Variants in HADH observed in about 807,000 individuals in gnomAD.
HADH encodes the protein hydroxyacyl-CoA dehydrogenase.
Under a neutral mutation model 32.2 loss-of-function variants are expected in HADH, and 24 were observed. The ratio of observed to expected loss-of-function variants is 0.75; its 90% CI spans 0.54 to 1.05. The LOEUF is 1.05. Ranked by LOEUF, HADH falls within the 50% of genes least tolerant of loss-of-function variation. The pLI, the probability that HADH is intolerant of heterozygous loss-of-function variation, is 0.00. For missense variants in HADH, 350 were observed against 397.1 expected, an observed-to-expected ratio of 0.88 and a Z score of 1.01; for synonymous variants, 139 against 152.5, an observed-to-expected ratio of 0.91 and a Z score of 0.65.
At chr4:107,993,583 T>C (rs1734874557) in intron 1 of HADH, among the ~76,000 whole-genome samples, 1 of 152,214 alleles carries the variant, frequency 6.6e-6, no homozygotes, top group Admixed American at 6.5e-5. Flanking sequence ...AAATAGATTT[T>C]GTGGGAGCCT....
chr4:107,997,031 A>G (rs1734977746), intron 1 of HADH, among the ~76,000 whole-genome samples: 1 of 152,226 alleles, frequency 6.6e-6, no homozygotes, highest in South Asian at 2.1e-4. Flanking sequence ...TTACACAACC[A>G]GAGACAATCA....
intron 1 of HADH, among the ~76,000 whole-genome samples, chr4:107,992,068 G>C (rs1734831147): frequency 6.6e-6 from 1 of 152,192 alleles, no homozygotes; most frequent in Non-Finnish European, 1.5e-5. Context: ...AAAATTACAG[G>C]TATGGTGTTG....
intron 6 of HADH, chr4:108,032,083 G>T (rs62311450): frequency 7.8e-6 from 3 of 386,176 alleles, no homozygotes; most frequent in South Asian, 1.2e-4. Context: ...CTTCTTTATC[G>T]ATGTTTAAGT....
At chr4:108,012,531 A>G (rs1484116116) in intron 2 of HADH, among the ~76,000 whole-genome samples, 2 of 152,180 alleles carry the variant, frequency 1.3e-5, no homozygotes, top group Non-Finnish European at 2.9e-5. Flanking sequence ...ACGGGACTTC[A>G]CATTCAAATG....
At chr4:108,014,687 C>T in intron 3 of HADH, 99 bp downstream of exon 3, 1 of 1,078,594 alleles carries the variant, frequency 9.3e-7, no homozygotes. Context: ...AGTACAAGTG[C>T]AGTTTTGTTC....
At chr4:108,022,970 G>A (rs368641489) in intron 4 of HADH, among the ~76,000 whole-genome samples, 4 of 149,672 alleles carry the variant, frequency 2.7e-5, no homozygotes, top group African/African-American at 9.8e-5. Context: ...CCGTGATTTT[G>A]TACATTCTAC....
intron 1 of HADH, chr4:108,005,039 T>C: frequency 1.6e-6 from 1 of 624,348 alleles, no homozygotes; most frequent in African/African-American, 1.8e-5. Context: ...CATATATACC[T>C]TCTTTTTTTC....
At chr4:108,008,545 T>A (rs1031216528) in intron 1 of HADH, among the ~76,000 whole-genome samples, 2 of 152,238 alleles carry the variant, frequency 1.3e-5, no homozygotes, top group Non-Finnish European at 2.9e-5. Context: ...CTTTTACTCA[T>A]TGGTTTTCTG....
At position 108,016,533 on chromosome 4, in the gene HADH, G is replaced by A. The variant is rs1248807955; in HGVS notation, c.419+1945G>A. Among the ~76,000 whole-genome samples the A allele has an allele frequency of 2.6e-5, 4 of 152,242 alleles. No homozygotes were observed. The South Asian group carries it at 6.2e-4, about 24-fold the overall frequency. ...GGACTGGCTCCCAGGCCAGCAGGGA[G>A]CCCTCTGGGATAATAAACAGCCACC... On this transcript the variant is annotated intron_variant, in intron 3 of 7. Transcript: ENST00000309522.
At chr4:108,004,422 T>A in intron 1 of HADH, 1 of 334,248 alleles carries the variant, frequency 3.0e-6, no homozygotes, top group Non-Finnish European at 5.8e-6. Flanking sequence ...AGGAAGCATT[T>A]TCTAACCTCT....
chr4:107,999,801 C>T (rs189677925), intron 1 of HADH, among the ~76,000 whole-genome samples: 58 of 152,216 alleles, frequency 3.8e-4, no homozygotes, highest in African/African-American at 1.3e-3. Flanking sequence ...GTAATGAAGG[C>T]ACAGACAGCC....
intron 6 of HADH, chr4:108,028,776 T>C (rs1165224066): frequency 5.5e-5 from 22 of 397,252 alleles, no homozygotes; most frequent in Middle Eastern, 6.2e-4. Flanking sequence ...CAAAATGTAA[T>C]GTTTTAGAAT....
intron 6 of HADH, chr4:108,032,379 T>C (rs1182590503): frequency 6.3e-7 from 1 of 1,590,024 alleles, no homozygotes; most frequent in South Asian, 1.1e-5. Context: ...CTTTAAAAGG[T>C]ATCTTGACTA....
chr4:108,033,262 G>C lies in HADH; in HGVS notation c.796G>C (p.Gly266Arg). Residue 266 changes from glycine to arginine, a missense_variant, in exon 7 of 8, where the codon GGA (glycine) becomes CGA (arginine). Transcript: ENST00000309522. ...MGPFELLDYV[G>R]LDTTKFIVDG... ...CCCATTTGAGCTTCTAGATTATGTC[G>C]GACTGGATACTACGAAGTTCATCGT... 6.3e-7 allele frequency: 1 copy of C among 1,588,444 alleles called. No individual in the cohort carries two copies.
intron 1 of HADH, among the ~76,000 whole-genome samples, chr4:107,992,967 A>T (rs766902840): frequency 6.6e-6 from 1 of 152,092 alleles, no homozygotes; most frequent in Non-Finnish European, 1.5e-5. Flanking sequence ...ATACAAAAAA[A>T]TTAGCCAGCA....
chr4:108,001,374 T>A (rs1268434772), intron 1 of HADH, among the ~76,000 whole-genome samples: 1 of 152,228 alleles, frequency 6.6e-6, no homozygotes, highest in Non-Finnish European at 1.5e-5. Flanking sequence ...TTGAAGGAAG[T>A]CCTTGTTTAT....
At position 108,019,619 on chromosome 4, in the gene HADH, G is replaced by T. The variant is rs370306695; in HGVS notation, c.499G>T (p.Ala167Ser). The change falls in exon 4 of 8, where the codon GCT (alanine) becomes TCT (serine). Residue 167 changes from alanine (A) to serine (S), a missense_variant. Ala to Ser is a moderately conservative substitution (Grantham distance 99, BLOSUM62 1). Transcript: ENST00000309522. ...TGCCACCACCAGACAAGACCGATTC[G>T]CTGGCCTCCATTTCTTCAACCCAGT... The part of the protein sequence containing the change: ...ANATTRQDRF[A>S]GLHFFNPVPV... 11 of 1,614,070 alleles carry T rather than the reference G, an allele frequency of 6.8e-6. No individual in the cohort carries two copies. Among genetic ancestry groups the T allele is most frequent in the Non-Finnish European group, 8.5e-6 (10 of 1,179,962 alleles).
chr4:108,014,370 A>T, intron 2 of HADH, 61 bp from the exon 3 acceptor site: 2 of 1,597,774 alleles, frequency 1.3e-6, no homozygotes, highest in Non-Finnish European at 1.7e-6. Context: ...AGAGCTAAGA[A>T]CTTGAAAGAT....
intron 7 of HADH, among the ~76,000 whole-genome samples, chr4:108,033,921 C>T (rs546919901): frequency 1.3e-5 from 2 of 152,346 alleles, no homozygotes; most frequent in East Asian, 3.9e-4. Context: ...TGAATCCAAC[C>T]AGCAAATTAA....
Sources: allele counts gnomAD v4.1 joint callset (sites outside exome capture counted in the v4.1 genomes callset), GRCh38; gene constraint gnomAD v4.1.1; transcripts MANE v1.5; gene names NCBI Gene and HGNC (gene_info 2026-07-23, HGNC 2026-07-21).